Variants in EXD3 observed in about 807,000 individuals in gnomAD.
The protein encoded by EXD3 is exonuclease 3'-5' domain containing 3.
EXD3 carries 92 observed loss-of-function variants against 98.0 expected under a neutral mutation model. The observed-to-expected ratio is 0.94, with a 90% CI of 0.79 to 1.12. The LOEUF is 1.12. Among genes scored for constraint, EXD3 ranks in the 50% most tolerant of loss-of-function variants. The pLI, the probability that EXD3 is intolerant of heterozygous loss-of-function variation, is 0.00. For synonymous variants in EXD3, 569 were observed against 526.0 expected, an observed-to-expected ratio of 1.08 and a Z score of -1.12; for missense variants, 1,222 against 1,191.6, an observed-to-expected ratio of 1.03 and a Z score of -0.38.
Position 137,369,500 on chromosome 9 carries a change from C to G in EXD3, c.463-1511G>C, listed in dbSNP as rs377361909. Among the ~76,000 whole-genome samples the G allele has an allele frequency of 2.7e-4, 41 of 152,322 alleles. 1 individual carries two copies. The Middle Eastern group carries it at 0.01, about 38-fold the overall frequency. On this transcript the variant is annotated intron_variant, in intron 5 of 21. Transcript: ENST00000340951. The stretch of plus-strand genomic sequence containing the variant: ...GGGAAGTGGAGGATGGGGCTGCGCC[C>G]GGCACCTCCTTGGGACCAGGCCCTG...
Position 137,409,014 on chromosome 9 carries a change from A to G in EXD3, c.-47-13610T>C, listed in dbSNP as rs540641931. Among the ~76,000 whole-genome samples the G allele has an allele frequency of 2.6e-5, 4 of 152,356 alleles. No individual in the cohort carries two copies. In the South Asian group the frequency reaches 6.2e-4, roughly 24 times the overall value. ...TCCCTTCTGTGGGAGGGCGGCTGCTATAATTTAAAGTGTGTCCCTCTGAAA... is the reference window on the plus strand; with the variant it reads ...TCCCTTCTGTGGGAGGGCGGCTGCTGTAATTTAAAGTGTGTCCCTCTGAAA... On this transcript the variant is annotated intron_variant, in intron 1 of 21. Coordinates refer to ENST00000340951, the MANE Select transcript of EXD3 (RefSeq NM_017820.5).
intron 5 of EXD3, 26 bp downstream of exon 5, chr9:137,372,879 T>C: frequency 6.3e-7 from 1 of 1,592,574 alleles, no homozygotes; most frequent in Non-Finnish European, 8.5e-7. Flanking sequence ...CGTTTCCCCA[T>C]GAGCCCGGCC....
intron 3 of EXD3, among the ~76,000 whole-genome samples, chr9:137,382,075 C>CGCGGTGGAGGTGAGGGCG (rs1836321702): frequency 3.1e-5 from 3 of 98,094 alleles, no homozygotes; most frequent in Non-Finnish European, 5.8e-5. Context: ...GGTGAGGGCG[C>CGCGGTGGAGGTGAGGGCG]GCGGTGGAGG....
intron 17 of EXD3, among the ~76,000 whole-genome samples, chr9:137,345,015 G>A (rs1235279133): frequency 6.6e-6 from 1 of 152,232 alleles, no homozygotes; most frequent in Non-Finnish European, 1.5e-5. Flanking sequence ...ACCATAAGCA[G>A]CAGAAACAGG....
At chr9:137,366,881 G>A (rs1199701309) in intron 6 of EXD3, among the ~76,000 whole-genome samples, 1 of 152,220 alleles carries the variant, frequency 6.6e-6, no homozygotes, top group Admixed American at 6.5e-5. Context: ...GGGACCCTGG[G>A]GAAGCTCATT....
intron 1 of EXD3, among the ~76,000 whole-genome samples, chr9:137,401,568 G>A (rs186686295): frequency 2.3e-4 from 35 of 152,318 alleles, no homozygotes; most frequent in Non-Finnish European, 4.3e-4. Context: ...TGAAATGTAG[G>A]CAGAGGTTCC....
At chr9:137,402,529 C>T (rs1299073302) in intron 1 of EXD3, among the ~76,000 whole-genome samples, 1 of 152,192 alleles carries the variant, frequency 6.6e-6, no homozygotes, top group Non-Finnish European at 1.5e-5. Flanking sequence ...TTGAGACCAT[C>T]TCAGCCTGGA....
Position 137,309,695 on chromosome 9 carries a change from A to G in EXD3, c.2190T>C (p.Cys730=), listed in dbSNP as rs1231198480. 2 of 1,553,416 alleles carry G rather than the reference A, an allele frequency of 1.3e-6. No homozygotes were observed. Among genetic ancestry groups the G allele is most frequent in the Non-Finnish European group, 8.7e-7 (1 of 1,148,690 alleles). The change falls in exon 20 of 22, where the codon TGT becomes TGC. Residue 730 remains cysteine, a synonymous_variant. Transcript: ENST00000340951. ...HADIFSRCQA[C]NCDQYLKVSR... is the part of the protein sequence containing the mutation. ...AGACCTTTAGGTACTGGTCACAGTT[A>G]CAGGCCTGGGGGCCAGAGGGGGTGC...
intron 1 of EXD3, among the ~76,000 whole-genome samples, chr9:137,419,539 C>T (rs1333792619): frequency 6.6e-6 from 1 of 152,034 alleles, no homozygotes; most frequent in African/African-American, 2.4e-5. Flanking sequence ...CATGGTGGCT[C>T]ATGCCTGTAA....
intron 2 of EXD3, among the ~76,000 whole-genome samples, chr9:137,387,647 C>G (rs1025866358): frequency 4.9e-4 from 74 of 152,324 alleles, no homozygotes; most frequent in African/African-American, 1.8e-3. Flanking sequence ...CACAGCACCC[C>G]ACGCACCCCA....
intron 3 of EXD3, among the ~76,000 whole-genome samples, chr9:137,381,996 A>G (rs1380716940): frequency 1.2e-3 from 96 of 77,014 alleles, no homozygotes; most frequent in Middle Eastern, 0.018. Context: ...GGAGGTGAGG[A>G]CGCGGGGAGG....
chr9:137,385,633 TCG>T lies in EXD3; in HGVS notation c.56-2258_56-2257del, dbSNP rs1836552578. 1.3e-5 allele frequency among the ~76,000 whole-genome samples: 2 copies of T among 152,138 alleles called. No individual in the cohort carries two copies. Among genetic ancestry groups the T allele is most frequent in the African/African-American group, 4.8e-5 (2 of 41,444 alleles). ...TCACTGCAACCTCCACCTCTCAGGT[TCG>T]TGATTCTCGTGCCTCAGCCTCCGGA... On this transcript the variant is annotated intron_variant, in intron 2 of 21. Transcript: ENST00000340951. This position sits in a 1 kb window ranked among gnomAD's most constrained non-coding sequence, Gnocchi z 4.4.
chr9:137,315,306 C>G (rs1261035565), intron 19 of EXD3, among the ~76,000 whole-genome samples: 1 of 152,274 alleles, frequency 6.6e-6, no homozygotes, highest in Non-Finnish European at 1.5e-5. Context: ...GCCACCCCAC[C>G]CTGTGCCCTC....
At chr9:137,314,647 G>A (rs1156756524) in intron 19 of EXD3, among the ~76,000 whole-genome samples, 1 of 149,370 alleles carries the variant, frequency 6.7e-6, no homozygotes, top group East Asian at 2.1e-4. Context: ...CAGTTCCCAC[G>A]AACCCCAGCC....
At chr9:137,308,279 C>T (rs924184374) in intron 20 of EXD3, among the ~76,000 whole-genome samples, 2 of 152,162 alleles carry the variant, frequency 1.3e-5, no homozygotes, top group African/African-American at 2.4e-5. Flanking sequence ...GCAAGCATTT[C>T]GCTACAGATG....
At chr9:137,352,039 C>CG (rs1564502949) in intron 12 of EXD3, 27 bp downstream of exon 12, 1 of 1,591,646 alleles carries the variant, frequency 6.3e-7, no homozygotes, top group Admixed American at 1.8e-5. Flanking sequence ...CACCACCGGG[C>CG]GCTGCCCCAG....
At position 137,323,823 on chromosome 9, in the gene EXD3, A is replaced by T. The variant is rs1157029147; in HGVS notation, c.2086T>A (p.Ser696Thr). The T allele has an allele frequency of 6.2e-7, 1 of 1,612,022 alleles. No homozygotes were observed. Among genetic ancestry groups the T allele is most frequent in the Non-Finnish European group, 8.5e-7 (1 of 1,179,708 alleles). The change falls in exon 19 of 22, where the codon TCG (serine) becomes ACG (threonine). Residue 696 changes from serine to threonine, a missense_variant. Ser to Thr is a moderately conservative substitution (Grantham distance 58). Coordinates refer to ENST00000340951, the MANE Select transcript of EXD3 (RefSeq NM_017820.5). ...RAQVGAGRCL[S>T]VDCSLKAQQQ... ...TGGGCCTTCAGGGAGCAGTCGACCG[A>T]GAGGCAGCGCCCAGCCCCGACCTGG...
chr9:137,355,544 AG>A (rs1834649391), intron 8 of EXD3, among the ~76,000 whole-genome samples: 3 of 120,804 alleles, frequency 2.5e-5, no homozygotes, highest in African/African-American at 1.0e-4. Flanking sequence ...AGGAGGAAGG[AG>A]GAAGGAGGAA....
At chr9:137,327,104 AG>A (rs1389184870) in intron 17 of EXD3, among the ~76,000 whole-genome samples, 1 of 149,730 alleles carries the variant, frequency 6.7e-6, no homozygotes, top group Non-Finnish European at 1.5e-5. Flanking sequence ...GGCTAGAAGG[AG>A]GGGAGGGGAG....
Sources: gnomAD v4.1 joint callset for allele counts (sites outside exome capture counted in the v4.1 genomes callset) on GRCh38, gnomAD v4.1.1 for gene constraint, Gnocchi (gnomAD v3.1) non-coding constraint, MANE v1.5 for transcripts, NCBI Gene and HGNC (gene_info 2026-07-23, HGNC 2026-07-21) for gene names.